The following MZT2A variants were observed in gnomAD, a reference collection of about 807,000 sequenced individuals.
MZT2A encodes mitotic spindle organizing protein 2A.
MZT2A carries 8 observed loss-of-function variants against 12.4 expected under a neutral mutation model. The ratio of observed to expected loss-of-function variants is 0.64; its 90% CI spans 0.38 to 1.16. The LOEUF is 1.16. MZT2A is among the 50% of genes most tolerant of loss of function. MZT2A has a pLI of 0.01. For missense variants in MZT2A, 181 were observed against 223.6 expected, an observed-to-expected ratio of 0.81 and a Z score of 1.22; for synonymous variants, 88 against 107.5, an observed-to-expected ratio of 0.82 and a Z score of 1.12.
chr2:131,485,639 T>TGG (rs2104733444), intron 2 of MZT2A, among the ~76,000 whole-genome samples: 1 of 152,042 alleles, frequency 6.6e-6, no homozygotes, highest in South Asian at 2.1e-4. Context: ...CAGTCCCGTG[T>TGG]GGGAACTCCC....
intron 2 of MZT2A, chr2:131,490,618 T>C (rs1679253237): frequency 6.5e-7 from 1 of 1,548,322 alleles, no homozygotes; most frequent in African/African-American, 1.4e-5. Flanking sequence ...ATCCTGCCCT[T>C]GCAGCTCAAA....
intron 2 of MZT2A, chr2:131,490,427 T>A: frequency 7.9e-7 from 1 of 1,273,438 alleles, no homozygotes; most frequent in African/African-American, 1.5e-5. Flanking sequence ...CTGGCTGTCT[T>A]CCCCTGGAGA....
chr2:131,482,834 G>C, downstream of MZT2A: 1 of 1,614,008 alleles, frequency 6.2e-7, no homozygotes, highest in Non-Finnish European at 8.5e-7. Context: ...GGCTGAAGAA[G>C]GCGAAGAATA....
At chr2:131,472,976 G>A (rs558219316) in intron 2 of MZT2A, among the ~76,000 whole-genome samples, 2 of 151,744 alleles carry the variant, frequency 1.3e-5, no homozygotes, top group Non-Finnish European at 2.9e-5. Context: ...TGGGGACAGG[G>A]CCTATAAGGA....
downstream of MZT2A, chr2:131,483,054 G>C: frequency 1.2e-6 from 1 of 817,482 alleles, no homozygotes; most frequent in South Asian, 1.9e-5. Context: ...GGGTGCAGCA[G>C]GACTGTACAT....
intron 2 of MZT2A, among the ~76,000 whole-genome samples, chr2:131,473,859 A>C (rs557060990): frequency 7.0e-6 from 1 of 142,742 alleles, no homozygotes; most frequent in Admixed American, 6.7e-5. Flanking sequence ...TTGTCCATAA[A>C]CCCACTCCCT....
At chr2:131,490,136 C>T (rs751122672) in intron 2 of MZT2A, 73 of 677,258 alleles carry the variant, frequency 1.1e-4, no homozygotes, top group Non-Finnish European at 1.2e-4. Flanking sequence ...GCAGGAGGCG[C>T]GACCAAAGAC....
At chr2:131,480,757 T>C (rs771450521), downstream of MZT2A, 8 of 1,605,314 alleles carry the variant, frequency 5.0e-6, no homozygotes, top group East Asian at 1.8e-4. Context: ...AAGGTATGAC[T>C]GGGTGATGTG....
chr2:131,478,531 A>AAGGTTCGT (rs1174573837), intron 2 of MZT2A: 1 of 1,400,678 alleles, frequency 7.1e-7, no homozygotes, highest in African/African-American at 1.5e-5. Context: ...GAGAAACTGA[A>AAGGTTCGT]AGGTTCGTGA....
downstream of MZT2A, chr2:131,482,699 C>T (rs200837434): frequency 3.8e-5 from 61 of 1,614,012 alleles, no homozygotes; most frequent in Non-Finnish European, 4.7e-5. Context: ...GTATGCCAAG[C>T]GGGCCTTTGT....
intron 2 of MZT2A, among the ~76,000 whole-genome samples, chr2:131,487,132 C>T (rs574802189): frequency 6.6e-6 from 1 of 152,112 alleles, no homozygotes; most frequent in South Asian, 2.1e-4. Flanking sequence ...ACACCTGGTC[C>T]CTGGAGGGCC....
At chr2:131,492,874 C>T (rs116359028), upstream of MZT2A, 8,129 of 1,500,374 alleles carry the variant, frequency 5.4e-3, 385 homozygotes, top group African/African-American at 0.098. Flanking sequence ...CTTGGGGCGC[C>T]AGAGGCCGCC....
chr2:131,484,333 T>C, intron 2 of MZT2A, 115 bp from the exon 3 acceptor site: 1 of 1,483,802 alleles, frequency 6.7e-7, no homozygotes, highest in South Asian at 1.3e-5. Flanking sequence ...TCAAAGTCGC[T>C]TCAGCTAGAG....
At chr2:131,480,211 C>T, downstream of MZT2A, 1 of 1,613,994 alleles carries the variant, frequency 6.2e-7, no homozygotes, top group Non-Finnish European at 8.5e-7. Context: ...GCCATTTACC[C>T]AGCCCCCCAG....
At position 131,491,992 on chromosome 2, in the gene MZT2A, G is replaced by A. The variant is rs1158497081; in HGVS notation, c.203C>T (p.Ala68Val). 1.2e-5 allele frequency: 19 copies of A among 1,548,646 alleles called. No homozygotes were observed. The highest frequency in any genetic ancestry group is 2.3e-4 in the Middle Eastern group (1 of 4,348). ...ILVDLLKLNV[A>V]PLAVFQMLKS... is the part of the protein sequence containing the mutation. ...GAGCATCTGGAAGACGGCGAGGGGG[G>A]CCACGTTCAGCTTCAGCAGGTCCAC... Residue 68 changes from alanine (A) to valine (V), a missense_variant, in exon 2 of 3, where the codon GCC becomes GTC. Around this residue, in one of 3 missense-constraint regions of MZT2A, gnomAD observed 106 missense variants for 127.2 expected, o/e 0.83. Coordinates refer to ENST00000309451, the MANE Select transcript of MZT2A (RefSeq NM_001085365.2).
At chr2:131,490,913 C>G in intron 2 of MZT2A, 1 of 1,549,784 alleles carries the variant, frequency 6.5e-7, no homozygotes, top group Non-Finnish European at 8.7e-7. Flanking sequence ...GAGAGAGACA[C>G]AAAGAGAGCA....
intron 2 of MZT2A, chr2:131,476,010 C>T: frequency 9.4e-7 from 1 of 1,058,338 alleles, no homozygotes. Context: ...ACATGTTGAG[C>T]AATGGCCAAT....
At chr2:131,481,591 C>T (rs1678869239), downstream of MZT2A, among the ~76,000 whole-genome samples, 1 of 152,078 alleles carries the variant, frequency 6.6e-6, no homozygotes, top group Admixed American at 6.6e-5. Flanking sequence ...CCTGCCACCA[C>T]GCCTGGCTAA....
At chr2:131,473,466 A>G (rs1484684996) in intron 2 of MZT2A, among the ~76,000 whole-genome samples, 1 of 149,880 alleles carries the variant, frequency 6.7e-6, no homozygotes, top group Admixed American at 6.6e-5. Context: ...CTCAGGAGGG[A>G]AAGTTAAGGG....
Sources: gnomAD v4.1 joint callset for allele counts (sites outside exome capture counted in the v4.1 genomes callset) on GRCh38, gnomAD v4.1.1 for gene constraint, gnomAD v4.1.1 regional missense constraint, MANE v1.5 for transcripts, NCBI Gene and HGNC (gene_info 2026-07-23, HGNC 2026-07-21) for gene names.